Variants in KIF16B observed in about 807,000 individuals in gnomAD.
KIF16B encodes kinesin family member 16B.
A neutral mutation model predicts 156.3 loss-of-function variants in KIF16B; 98 were observed. The ratio of observed to expected loss-of-function variants is 0.63; its 90% CI spans 0.53 to 0.74. The LOEUF is 0.74. Ranked by LOEUF, KIF16B falls within the 30% of genes least tolerant of loss-of-function variation. The pLI, the probability that KIF16B is intolerant of heterozygous loss-of-function variation, is 0.00. For synonymous variants in KIF16B, 564 were observed against 583.7 expected, an observed-to-expected ratio of 0.97 and a Z score of 0.49; for missense variants, 1,421 against 1,606.5, an observed-to-expected ratio of 0.88 and a Z score of 1.97.
intron 1 of KIF16B, among the ~76,000 whole-genome samples, chr20:16,562,872 G>A (rs2071117547): frequency 6.6e-6 from 1 of 152,130 alleles, no homozygotes; most frequent in Non-Finnish European, 1.5e-5. Flanking sequence ...CTATAAGACG[G>A]ATCTAATGAT....
At chr20:16,415,771 A>G (rs1390969370) in intron 15 of KIF16B, among the ~76,000 whole-genome samples, 1 of 152,154 alleles carries the variant, frequency 6.6e-6, no homozygotes, top group African/African-American at 2.4e-5. Flanking sequence ...TCAGAATTCA[A>G]CTTTGGGTAC....
chr20:16,273,428 A>C lies in KIF16B; in HGVS notation c.3796-17T>G. 1 of 1,613,496 alleles carries C rather than the reference A, an allele frequency of 6.2e-7. No individual in the cohort carries two copies. The highest frequency in any genetic ancestry group is 8.5e-7 in the Non-Finnish European group (1 of 1,179,554). Reference sequence around the variant, plus strand: ...GAGGTATTTCTGTGGAAGAGACAAGAGTTAAGAACATGGTCAATTGGGAGG... The same window carrying C: ...GAGGTATTTCTGTGGAAGAGACAAGCGTTAAGAACATGGTCAATTGGGAGG... On this transcript the variant is annotated splice_polypyrimidine_tract_variant and intron_variant, in intron 25 of 25. Coordinates refer to ENST00000354981, the MANE Select transcript of KIF16B (RefSeq NM_024704.5).
intron 15 of KIF16B, among the ~76,000 whole-genome samples, chr20:16,409,675 T>C (rs2065871080): frequency 6.6e-6 from 1 of 151,732 alleles, no homozygotes; most frequent in Non-Finnish European, 1.5e-5. Flanking sequence ...ATGTAGGAGA[T>C]AAAATCAATA....
chr20:16,383,774 C>G (rs535614242), intron 17 of KIF16B, among the ~76,000 whole-genome samples: 1 of 152,280 alleles, frequency 6.6e-6, no homozygotes, highest in Admixed American at 6.5e-5. Flanking sequence ...ATGGAATGAT[C>G]TGTACTCTTC....
At chr20:16,561,951 C>G (rs1015543913) in intron 1 of KIF16B, among the ~76,000 whole-genome samples, 2 of 152,096 alleles carry the variant, frequency 1.3e-5, no homozygotes, top group African/African-American at 4.8e-5. Context: ...AATGTGGGAT[C>G]CCGGATTGGA....
chr20:16,336,241 T>C (rs1003157233), intron 23 of KIF16B, among the ~76,000 whole-genome samples: 16 of 151,920 alleles, frequency 1.1e-4, no homozygotes, highest in African/African-American at 3.9e-4. Context: ...AGCTTGTCTA[T>C]GTAAAGTGAA....
At chr20:16,452,757 C>T (rs1363784213) in intron 12 of KIF16B, among the ~76,000 whole-genome samples, 22 of 151,742 alleles carry the variant, frequency 1.4e-4, no homozygotes, top group African/African-American at 5.3e-4. Context: ...ATGGCATGAA[C>T]CTGGGAGGCG....
intron 24 of KIF16B, among the ~76,000 whole-genome samples, chr20:16,319,843 C>G (rs926117513): frequency 6.6e-5 from 10 of 152,168 alleles, no homozygotes; most frequent in Non-Finnish European, 1.0e-4. Context: ...GAAAAAGTAA[C>G]CATTTTTAAA....
intron 10 of KIF16B, among the ~76,000 whole-genome samples, 154 bp from the exon 11 acceptor site, chr20:16,497,832 A>G (rs1016182252): frequency 6.6e-6 from 1 of 152,232 alleles, no homozygotes; most frequent in African/African-American, 2.4e-5. Context: ...AATATCACCA[A>G]GTCTTTACTC....
rs1254967317 is a variant in KIF16B, at chr20:16,454,270, TAAGAA to T, written c.1303-24293_1303-24289del. 8.6e-5 allele frequency among the ~76,000 whole-genome samples: 13 copies of T among 151,620 alleles called. No individual in the cohort carries two copies. In the East Asian group the frequency reaches 2.3e-3, roughly 27 times the overall value. ...ATATTCATATTATTCATATTTTCCA[TAAGAA>T]AAAACAAATATCAGTAATAATTAAA... On this transcript the variant is annotated intron_variant, in intron 12 of 25. Transcript: ENST00000354981.
chr20:16,500,793 T>C (rs2068599443), intron 10 of KIF16B, among the ~76,000 whole-genome samples: 1 of 152,212 alleles, frequency 6.6e-6, no homozygotes, highest in Non-Finnish European at 1.5e-5. Context: ...TTTAAAAGTT[T>C]ACACATGATA....
In KIF16B at chr20:16,543,839, C is replaced by G. The variant is rs1312023804; in HGVS notation, c.48-15399G>C. Among the ~76,000 whole-genome samples, 11 of 152,230 alleles carry G rather than the reference C, an allele frequency of 7.2e-5. 1 individual carries two copies. The East Asian group carries it at 1.5e-3, about 21-fold the overall frequency. On this transcript the variant is annotated intron_variant, in intron 1 of 25. Transcript: ENST00000354981. ...CCTCACATGTAAAGAAATGCAGGTC[C>G]AGAAAGGTTAAGTGACTTACTCAAA...
chr20:16,385,927 C>T (rs1371824597), intron 17 of KIF16B, among the ~76,000 whole-genome samples: 1 of 152,170 alleles, frequency 6.6e-6, no homozygotes, highest in African/African-American at 2.4e-5. Context: ...AGGTTTGATT[C>T]TAGAGCCCAC....
At chr20:16,433,445 A>G (rs2066557579) in intron 12 of KIF16B, among the ~76,000 whole-genome samples, 1 of 152,032 alleles carries the variant, frequency 6.6e-6, no homozygotes, top group Non-Finnish European at 1.5e-5. Context: ...TTCGTTTACT[A>G]TTCTTTCTTT....
intron 23 of KIF16B, among the ~76,000 whole-genome samples, chr20:16,337,382 G>A (rs955686339): frequency 6.6e-5 from 10 of 152,118 alleles, no homozygotes; most frequent in Non-Finnish European, 1.3e-4. Flanking sequence ...TCTTTCATTC[G>A]CTCACTTCCC....
At chr20:16,317,294 A>C (rs992547008) in intron 24 of KIF16B, among the ~76,000 whole-genome samples, 1 of 152,204 alleles carries the variant, frequency 6.6e-6, no homozygotes. Context: ...GTAGCCTCTG[A>C]CAAAGGAGAT....
intron 23 of KIF16B, among the ~76,000 whole-genome samples, chr20:16,352,841 C>T (rs991041078): frequency 6.6e-6 from 1 of 152,156 alleles, no homozygotes; most frequent in Admixed American, 6.5e-5. Flanking sequence ...CCAAGTGGGC[C>T]CTGGTGTGGT....
intron 12 of KIF16B, among the ~76,000 whole-genome samples, chr20:16,457,141 T>C (rs1045466171): frequency 6.6e-6 from 1 of 152,174 alleles, no homozygotes; most frequent in South Asian, 2.1e-4. Context: ...CAACACTTCA[T>C]TTTGGTACAT....
At position 16,573,399 on chromosome 20, in the gene KIF16B, G is replaced by A; in HGVS notation, c.-124C>T. 3.7e-6 allele frequency: 4 copies of A among 1,088,170 alleles called. No individual in the cohort carries two copies. The highest frequency in any genetic ancestry group is 2.6e-5 in the East Asian group (1 of 37,764). 67.4% of individuals were successfully genotyped at this position (1,088,170 alleles called of 1,614,324 possible). Reference sequence around the variant, plus strand: ...CTCTCGCCCCCGCCCCTCTGCTCCCGGCCGGACCTGGAGTTCCGCGGCAGC... The same window carrying A: ...CTCTCGCCCCCGCCCCTCTGCTCCCAGCCGGACCTGGAGTTCCGCGGCAGC... On this transcript the variant is annotated 5_prime_UTR_variant, in exon 1 of 26. Transcript: ENST00000354981.
Sources: gnomAD v4.1 joint callset for allele counts (sites outside exome capture counted in the v4.1 genomes callset) on GRCh38, gnomAD v4.1.1 for gene constraint, MANE v1.5 for transcripts, NCBI Gene and HGNC (gene_info 2026-07-23, HGNC 2026-07-21) for gene names.